Variants in CES3 observed in about 807,000 individuals in gnomAD.
CES3 encodes the protein carboxylesterase 3.
Under a neutral mutation model 57.6 loss-of-function variants are expected in CES3, and 49 were observed. That is an observed-to-expected ratio of 0.85 (90% CI 0.68 to 1.08). The LOEUF (loss-of-function observed/expected upper bound fraction) is 1.08, where lower values mean the gene tolerates loss of function less well. Among genes scored for constraint, CES3 ranks in the 50% least tolerant of loss-of-function variants. The pLI is 0.00. For missense variants in CES3, 645 were observed against 742.0 expected, an observed-to-expected ratio of 0.87 and a Z score of 1.52; for synonymous variants, 266 against 281.6, an observed-to-expected ratio of 0.94 and a Z score of 0.55.
At position 66,963,234 on chromosome 16, in the gene CES3, G is replaced by A; in HGVS notation, c.138G>A (p.Arg46=). The change falls in exon 2 of 13, where the codon CGG becomes CGA. Residue 46 remains arginine, a synonymous_variant. Coordinates refer to ENST00000303334, the MANE Select transcript of CES3 (RefSeq NM_024922.6). The surrounding 1 kb of genome is among the most constrained non-coding windows in gnomAD (Gnocchi z 4.9). ...CCACCCTGGGTCGTGTGCGAGGCCGGCAGGTGGGCGTGAAGGGCACAGACC... is the reference window on the plus strand; with the variant it reads ...CCACCCTGGGTCGTGTGCGAGGCCGACAGGTGGGCGTGAAGGGCACAGACC... ...VDTTLGRVRG[R]QVGVKGTDRL... is the part of the protein sequence containing the mutation. 2 of 1,614,212 alleles carry A rather than the reference G, an allele frequency of 1.2e-6. No homozygotes were observed. The highest frequency in any genetic ancestry group is 1.7e-6 in the Non-Finnish European group (2 of 1,180,042).
In CES3 at chr16:66,973,226, C is replaced by T. The variant is rs1963874762; in HGVS notation, c.*177C>T. ...GAAATGTCACAAGGCCGCCTCCCAC[C>T]TCTGGGGCATTGTACAAGTTCTTCC... On this transcript the variant is annotated 3_prime_UTR_variant, in exon 13 of 13. Transcript: ENST00000303334. 3.2e-6 allele frequency: 2 copies of T among 618,512 alleles called. No homozygotes were observed. Among genetic ancestry groups the T allele is most frequent in the Admixed American group, 3.0e-5 (1 of 33,720 alleles). The allele number at this position is 618,512 out of a possible 1,614,324, so 38.3% of individuals were successfully genotyped here.
chr16:66,969,260 G>T (rs9926076), intron 8 of CES3, among the ~76,000 whole-genome samples: 6,685 of 152,176 alleles, frequency 0.044, 489 homozygotes, highest in African/African-American at 0.15. Flanking sequence ...ACAAAAATTA[G>T]CCAGGCACGG....
chr16:66,969,346 C>T (rs1240070199), intron 8 of CES3, among the ~76,000 whole-genome samples: 5 of 152,274 alleles, frequency 3.3e-5, no homozygotes, highest in Admixed American at 6.5e-5. Flanking sequence ...GCGGAGGTTG[C>T]GGTGAGCCGA....
intron 1 of CES3, among the ~76,000 whole-genome samples, chr16:66,962,230 G>A (rs958946960): frequency 6.6e-6 from 1 of 152,200 alleles, no homozygotes; most frequent in Admixed American, 6.5e-5. Context: ...GCTGAGAGCT[G>A]TATAAAGGAG....
chr16:66,962,980 G>A (rs1381822860), intron 1 of CES3, 199 bp from the exon 2 acceptor site: 1 of 707,456 alleles, frequency 1.4e-6, no homozygotes, highest in African/African-American at 1.7e-5. Context: ...GTCTGGCCTG[G>A]AGTGGAGTGG....
At chr16:66,962,373 T>C (rs572759757) in intron 1 of CES3, among the ~76,000 whole-genome samples, 2 of 152,340 alleles carry the variant, frequency 1.3e-5, no homozygotes, top group African/African-American at 4.8e-5. Flanking sequence ...CCAGTCTTAG[T>C]CTGTTTGTGT....
rs772961757 is a variant in CES3 at position 66,963,756 on chromosome 16, A to G, written c.427-46A>G. ...GCCTGGGCTGGCAGGTGGGCAGCTA[A>G]GGTCTCAGGAGCTTGGGGGTCAGTG... On this transcript the variant is annotated intron_variant, in intron 3 of 12. Transcript: ENST00000303334. The surrounding 1 kb of genome is among the most constrained non-coding windows in gnomAD (Gnocchi z 4.9). 1 of 1,608,256 alleles carries G rather than the reference A, an allele frequency of 6.2e-7. No individual in the cohort carries two copies. Among genetic ancestry groups the G allele is most frequent in the Non-Finnish European group, 8.5e-7 (1 of 1,175,128 alleles).
chr16:66,967,702 G>A (rs901595328), intron 8 of CES3: 19 of 933,024 alleles, frequency 2.0e-5, no homozygotes, highest in Admixed American at 1.7e-4. Context: ...TTTTTTTTTC[G>A]TCTTGGCCCA....
In CES3 at chr16:66,973,041, G is replaced by C. The variant is rs369063594; in HGVS notation, c.1708G>C (p.Asp570His). ...GCAGAAGAACAGGAAGGCCCAGGAG[G>C]ACCTCTGAGGCCAGGCCTGAACCTT... ...QKQKNRKAQE[D>H]L Residue 570 changes from aspartate to histidine, a missense_variant, in exon 13 of 13, where the codon GAC (aspartate) becomes CAC (histidine). By Grantham distance (81) the Asp-to-His change is moderately conservative. Transcript: ENST00000303334. 12 of 1,613,544 alleles carry C rather than the reference G, an allele frequency of 7.4e-6. No individual in the cohort carries two copies. In the African/African-American group the frequency reaches 1.6e-4, roughly 22 times the overall value.
chr16:66,964,371 A>AG lies in CES3; in HGVS notation c.575_576insG (p.His192GlnfsTer28). Reference sequence around the variant, plus strand: ...ACTGCCCCCAGCACTGGAGATGAGCATGCACCTGGCAACCAGGGCTTCCTA... The same window carrying AG: ...ACTGCCCCCAGCACTGGAGATGAGCAGTGCACCTGGCAACCAGGGCTTCCTA... On this transcript the variant is annotated frameshift_variant, in exon 5 of 13. Coordinates refer to ENST00000303334, the MANE Select transcript of CES3 (RefSeq NM_024922.6). LOFTEE classifies it high-confidence loss of function. 6.2e-7 allele frequency: 1 copy of AG among 1,613,936 alleles called. No homozygotes were observed. The highest frequency in any genetic ancestry group is 2.2e-5 in the East Asian group (1 of 44,868).
intron 1 of CES3, among the ~76,000 whole-genome samples, chr16:66,962,812 G>A (rs1355926400): frequency 4.6e-5 from 7 of 152,214 alleles, no homozygotes; most frequent in Non-Finnish European, 1.0e-4. Context: ...CCCTGGAGTC[G>A]CTTGAACTCG....
At chr16:66,964,298 C>T in intron 4 of CES3, 59 bp from the exon 5 acceptor site, 1 of 1,587,194 alleles carries the variant, frequency 6.3e-7, no homozygotes, top group Non-Finnish European at 8.6e-7. Context: ...TCAAAGCAAA[C>T]CTGCAGAGGC....
intron 8 of CES3, among the ~76,000 whole-genome samples, chr16:66,968,980 C>T (rs963110107): frequency 3.3e-5 from 5 of 152,206 alleles, no homozygotes; most frequent in Non-Finnish European, 7.3e-5. Flanking sequence ...GCCTTTACCC[C>T]ACACCATCAA....
rs1963865578 is a variant in CES3, at chr16:66,972,897, C to T, written c.1564C>T (p.Gln522Ter). ...KALPPWPQFNQAEQYLEINPV... is the reference protein window; with the variant it reads ...KALPPWPQFN Reference sequence around the variant, plus strand: ...TCTGCCTCCTTGGCCCCAATTCAACCAGGCGGAACAATATCTGGAGATCAA... The same window carrying T: ...TCTGCCTCCTTGGCCCCAATTCAACTAGGCGGAACAATATCTGGAGATCAA... The change falls in exon 13 of 13, where the codon CAG becomes TAG. Residue 522 changes from glutamine to a stop codon, truncating the protein, a stop_gained. Transcript: ENST00000303334. LOFTEE classifies it low-confidence loss of function (END_TRUNC). The T allele has an allele frequency of 6.2e-7, 1 of 1,614,070 alleles. No homozygotes were observed. Among genetic ancestry groups the T allele is most frequent in the African/African-American group, 1.3e-5 (1 of 74,936 alleles).
chr16:66,965,048 G>A (rs1440309186), intron 6 of CES3, among the ~76,000 whole-genome samples: 1 of 152,206 alleles, frequency 6.6e-6, no homozygotes, highest in Non-Finnish European at 1.5e-5. Flanking sequence ...TGCTGCCTGC[G>A]AGCTCTCCAT....
chr16:66,965,463 G>A (rs1366501593), intron 6 of CES3, among the ~76,000 whole-genome samples: 1 of 152,172 alleles, frequency 6.6e-6, no homozygotes, highest in African/African-American at 2.4e-5. Flanking sequence ...GGAAGACTGG[G>A]TCAATTCCCT....
At chr16:66,967,422 C>A in intron 8 of CES3, 1 of 824,706 alleles carries the variant, frequency 1.2e-6, no homozygotes, top group Non-Finnish European at 1.5e-6. Flanking sequence ...ATCTGGGCAG[C>A]ATATTCCTGC....
In CES3 at chr16:66,963,876, C is replaced by T; in HGVS notation, c.501C>T (p.Ala167=). The T allele has an allele frequency of 6.2e-7, 1 of 1,614,166 alleles. No individual in the cohort carries two copies. The highest frequency in any genetic ancestry group is 8.5e-7 in the Non-Finnish European group (1 of 1,179,998). Residue 167 remains alanine, a synonymous_variant, in exon 4 of 13, where the codon GCC becomes GCT. Coordinates refer to ENST00000303334, the MANE Select transcript of CES3 (RefSeq NM_024922.6). The surrounding 1 kb of genome is among the most constrained non-coding windows in gnomAD (Gnocchi z 4.9). ...ATSYDGSALA[A]YGDVVVVTVQ... ...CCTACGATGGATCAGCTCTGGCTGC[C>T]TATGGGGATGTGGTCGTGGTTACAG...
Position 66,963,187 on chromosome 16 carries a change from G to A in CES3, c.91G>A (p.Val31Ile), listed in dbSNP as rs753138233. 5 of 1,614,266 alleles carry A rather than the reference G, an allele frequency of 3.1e-6. No individual in the cohort carries two copies. The Admixed American group carries it at 5.0e-5, about 16-fold the overall frequency. ...TTCTGTCCTTCCCTCAGGGCCCGAA[G>A]TTGCTCAGCCTGAAGTAGACACCAC... ...ACPATATGPE[V>I]AQPEVDTTLG... The change falls in exon 2 of 13, where the codon GTT (valine) becomes ATT (isoleucine). Residue 31 changes from valine (V) to isoleucine (I), a missense_variant. Physicochemically the swap from Val to Ile is conservative, Grantham distance 29. Coordinates refer to ENST00000303334, the MANE Select transcript of CES3 (RefSeq NM_024922.6). The surrounding 1 kb of genome is among the most constrained non-coding windows in gnomAD (Gnocchi z 4.9).
Sources: allele counts gnomAD v4.1 joint callset (sites outside exome capture counted in the v4.1 genomes callset), GRCh38; gene constraint gnomAD v4.1.1; non-coding constraint Gnocchi (gnomAD v3.1); transcripts MANE v1.5; gene names NCBI Gene and HGNC (gene_info 2026-07-23, HGNC 2026-07-21).